Variants in HSF1 observed in about 807,000 individuals in gnomAD.
The protein encoded by HSF1 is heat shock transcription factor 1.
Under a neutral mutation model 51.7 loss-of-function variants are expected in HSF1, and 32 were observed. The ratio of observed to expected loss-of-function variants is 0.62; its 90% CI spans 0.47 to 0.83. The LOEUF is 0.83. Among genes scored for constraint, HSF1 ranks in the 40% least tolerant of loss-of-function variants. The pLI is 0.00. For missense variants in HSF1, 727 were observed against 717.0 expected, an observed-to-expected ratio of 1.01 and a Z score of -0.16; for synonymous variants, 396 against 309.7, an observed-to-expected ratio of 1.28 and a Z score of -2.92.
chr8:144,294,839 G>A (rs1815349813), intron 1 of HSF1, among the ~76,000 whole-genome samples: 1 of 151,588 alleles, frequency 6.6e-6, no homozygotes, highest in Non-Finnish European at 1.5e-5. Flanking sequence ...CCAGCAAGTC[G>A]TGGAGGACAG....
intron 1 of HSF1, among the ~76,000 whole-genome samples, chr8:144,307,869 G>C (rs1308705642): frequency 6.6e-6 from 1 of 152,236 alleles, no homozygotes; most frequent in Non-Finnish European, 1.5e-5. Context: ...CCGTGCTACT[G>C]TAATTCTTTG....
intron 1 of HSF1, among the ~76,000 whole-genome samples, chr8:144,292,204 C>T (rs1588616806): frequency 1.3e-5 from 2 of 152,260 alleles, no homozygotes; most frequent in African/African-American, 2.4e-5. Context: ...GGCAAGCACC[C>T]GGCTTCGCCA....
At chr8:144,307,096 G>C (rs1381624221) in intron 1 of HSF1, among the ~76,000 whole-genome samples, 1 of 152,216 alleles carries the variant, frequency 6.6e-6, no homozygotes, top group African/African-American at 2.4e-5. Context: ...ACACGGCTGC[G>C]AGATGTCCTG....
chr8:144,312,808 C>T (rs1354459079), intron 9 of HSF1: 12 of 1,159,788 alleles, frequency 1.0e-5, no homozygotes, highest in East Asian at 5.1e-5. Context: ...CGGGCATGAG[C>T]GTCGGGCCTG....
rs782643377 is a variant in HSF1 at position 144,311,380 on chromosome 8, G to A, written c.624G>A (p.Lys208=). The A allele has an allele frequency of 1.2e-6, 2 of 1,613,984 alleles. No individual in the cohort carries two copies. Among genetic ancestry groups the A allele is most frequent in the Non-Finnish European group, 1.7e-6 (2 of 1,180,008 alleles). The change falls in exon 6 of 13, where the codon AAG becomes AAA. Residue 208 remains lysine (K), a splice_region_variant and synonymous_variant. Transcript: ENST00000528838. ...QSNRILGVKR[K]IPLMLNDSGS... ...ACCGGATCCTGGGGGTGAAGAGAAA[G>A]ATGTGAGGTTTTGGGGATGCCTGCA...
chr8:144,313,635 C>CCGGGTGCTGTTCTGACTTCCCT lies in HSF1; in HGVS notation c.1248+20_1248+21insGGGTGCTGTTCTGACTTCCCTC. On this transcript the variant is annotated intron_variant, in intron 10 of 12. Transcript: ENST00000528838. ...GCTGGACGTGAGTGGAGCCCCGCCG[C>CCGGGTGCTGTTCTGACTTCCCT]CCCGCCTCCCCGCCCCGCCTCCCCG... 1 of 549,704 alleles carries CCGGGTGCTGTTCTGACTTCCCT rather than the reference C, an allele frequency of 1.8e-6. No homozygotes were observed. The highest frequency in any genetic ancestry group is 7.7e-5 in the East Asian group (1 of 12,910). 34.1% of individuals were successfully genotyped at this position (549,704 alleles called of 1,614,324 possible).
chr8:144,312,829 G>T (rs1554845290), intron 9 of HSF1: 8 of 887,018 alleles, frequency 9.0e-6, no homozygotes, highest in Non-Finnish European at 1.4e-5. Flanking sequence ...GGCGGCAGCA[G>T]CCGAGACCCC....
rs150835821 is a variant in HSF1 at position 144,308,911 on chromosome 8, G to A, written c.123G>A (p.Gly41=). 1,213 of 1,613,982 alleles carry A rather than the reference G, an allele frequency of 7.5e-4. 1 individual carries two copies. The highest frequency in any genetic ancestry group is 1.2e-3 in the Middle Eastern group (7 of 6,062). ...CCCATGTGTCTCCCTTTCAGAGCGG[G>A]AACAGCTTCCACGTGTTCGACCAGG... ...TDALICWSPS[G]NSFHVFDQGQ... The change falls in exon 2 of 13, where the codon GGG becomes GGA. Residue 41 remains glycine, a synonymous_variant. Transcript: ENST00000528838.
intron 9 of HSF1, chr8:144,312,538 C>T: frequency 1.7e-6 from 2 of 1,199,054 alleles, no homozygotes; most frequent in Non-Finnish European, 2.4e-6. Context: ...TCGTGCTGCC[C>T]AGACACATGG....
intron 1 of HSF1, among the ~76,000 whole-genome samples, chr8:144,308,014 G>A (rs1189733472): frequency 6.6e-6 from 1 of 152,148 alleles, no homozygotes; most frequent in Non-Finnish European, 1.5e-5. Context: ...TCTCTATGCT[G>A]GAAAGAGGTT....
At position 144,313,520 on chromosome 8, in the gene HSF1, C is replaced by T. The variant is rs1386431533; in HGVS notation, c.1152C>T (p.Leu384=). The change falls in exon 10 of 13, where the codon CTC becomes CTT. Residue 384 remains leucine (L), a synonymous_variant. Coordinates refer to ENST00000528838, the MANE Select transcript of HSF1 (RefSeq NM_005526.4). ...LSVACLDKNE[L]SDHLDAMDSN... The stretch of plus-strand genomic sequence containing the variant: ...CCTTATCCCGGGCCAGGAATGAGCT[C>T]AGTGACCACTTGGATGCTATGGACT... The T allele has an allele frequency of 5.6e-6, 9 of 1,609,770 alleles. No homozygotes were observed. The African/African-American group carries it at 8.0e-5, about 14-fold the overall frequency.
chr8:144,312,540 G>A (rs1019344918), intron 9 of HSF1: 1 of 1,215,458 alleles, frequency 8.2e-7, no homozygotes, highest in Non-Finnish European at 1.2e-6. Context: ...GTGCTGCCCA[G>A]ACACATGGCA....
rs1185974741 is a variant in HSF1 at position 144,294,377 on chromosome 8, G to A, written c.117+2503G>A. Among the ~76,000 whole-genome samples the A allele has an allele frequency of 4.6e-5, 7 of 152,266 alleles. No individual in the cohort carries two copies. The South Asian group carries it at 1.0e-3, about 23-fold the overall frequency. The stretch of plus-strand genomic sequence containing the variant: ...TACTGCCCAGGCCCAGCTGGCTCTC[G>A]GAGGCCTTGAGAAGGCCCTGGTGCT... On this transcript the variant is annotated intron_variant, in intron 1 of 12. Transcript: ENST00000528838.
rs782655464 is a variant in HSF1 at position 144,314,240 on chromosome 8, C to T, written c.1500C>T (p.Phe500=). The change falls in exon 13 of 13, where the codon TTC becomes TTT. Residue 500 remains phenylalanine, a synonymous_variant. Transcript: ENST00000528838. ...VLFELGEGSY[F]SEGDGFAEDP... ...TTGAGCTGGGAGAGGGCTCCTACTT[C>T]TCCGAAGGGGACGGCTTCGCCGAGG... The T allele has an allele frequency of 2.6e-6, 4 of 1,550,368 alleles. No homozygotes were observed. Among genetic ancestry groups the T allele is most frequent in the South Asian group, 2.4e-5 (2 of 84,080 alleles).
At chr8:144,309,385 G>A in intron 2 of HSF1, 70 bp from the exon 3 acceptor site, 5 of 1,592,688 alleles carry the variant, frequency 3.1e-6, no homozygotes, top group African/African-American at 1.3e-5. Context: ...GCCTCCTGGA[G>A]CAGTGGCCGC....
chr8:144,313,891 C>T lies in HSF1; in HGVS notation c.1294C>T (p.Leu432Phe), dbSNP rs782328317. The T allele has an allele frequency of 1.4e-5, 22 of 1,608,596 alleles. No individual in the cohort carries two copies. The highest frequency in any genetic ancestry group is 1.9e-5 in the Non-Finnish European group (22 of 1,179,004). The part of the protein sequence containing the change: ...VTVPDMSLPD[L>F]DSSLASIQEL... ...CGTGCCCGACATGAGCCTGCCTGAC[C>T]TTGACAGCAGCCTGGCCAGTGTGCG... The change falls in exon 11 of 13, where the codon CTT (leucine) becomes TTT (phenylalanine). Residue 432 changes from leucine to phenylalanine, a missense_variant. Physicochemically the swap from Leu to Phe is conservative, Grantham distance 22. Coordinates refer to ENST00000528838, the MANE Select transcript of HSF1 (RefSeq NM_005526.4).
In HSF1 at chr8:144,297,655, A is replaced by C. The variant is rs1400128699; in HGVS notation, c.117+5781A>C. Among the ~76,000 whole-genome samples, 3 of 151,894 alleles carry C rather than the reference A, an allele frequency of 2.0e-5. No individual in the cohort carries two copies. Among genetic ancestry groups the C allele is most frequent in the African/African-American group, 7.3e-5 (3 of 41,328 alleles). On this transcript the variant is annotated intron_variant, in intron 1 of 12. Coordinates refer to ENST00000528838, the MANE Select transcript of HSF1 (RefSeq NM_005526.4). This position sits in a 1 kb window ranked among gnomAD's most constrained non-coding sequence, Gnocchi z 4.6. ...TGCTCCCCACACGTGGGCCACAGCT[A>C]CTCACACACGCGCTCCCTTTGCTCC...
In HSF1 at chr8:144,291,641, C is replaced by T; in HGVS notation, c.-117C>T. ...GCGGCGGCCATGCTGGGCCCCGGGGCTGTGTGTGCGCAGCGGGCGGCGGCG... is the reference window on the plus strand; with the variant it reads ...GCGGCGGCCATGCTGGGCCCCGGGGTTGTGTGTGCGCAGCGGGCGGCGGCG... On this transcript the variant is annotated 5_prime_UTR_variant, in exon 1 of 13. Coordinates refer to ENST00000528838, the MANE Select transcript of HSF1 (RefSeq NM_005526.4). This position sits in a 1 kb window ranked among gnomAD's most constrained non-coding sequence, Gnocchi z 4.1. 1.8e-6 allele frequency: 1 copy of T among 548,676 alleles called. No individual in the cohort carries two copies. The highest frequency in any genetic ancestry group is 2.9e-6 in the Non-Finnish European group (1 of 345,270). 34.0% of individuals were successfully genotyped at this position (548,676 alleles called of 1,614,324 possible).
chr8:144,308,799 G>A lies in HSF1; in HGVS notation c.118-107G>A, dbSNP rs932910314. The A allele has an allele frequency of 1.8e-5, 16 of 896,938 alleles. No homozygotes were observed. In the East Asian group the frequency reaches 3.7e-4, roughly 21 times the overall value. 55.6% of individuals were successfully genotyped at this position (896,938 alleles called of 1,614,324 possible). On this transcript the variant is annotated intron_variant, in intron 1 of 12. Coordinates refer to ENST00000528838, the MANE Select transcript of HSF1 (RefSeq NM_005526.4). Reference sequence around the variant, plus strand: ...TCCCATGGCCCCAGCCCCATCAGGTGGAACGTGCACTGCCTGCGTTTCAGA... The same window carrying A: ...TCCCATGGCCCCAGCCCCATCAGGTAGAACGTGCACTGCCTGCGTTTCAGA...
Sources: gnomAD v4.1 joint callset for allele counts (sites outside exome capture counted in the v4.1 genomes callset) on GRCh38, gnomAD v4.1.1 for gene constraint, Gnocchi (gnomAD v3.1) non-coding constraint, MANE v1.5 for transcripts, NCBI Gene and HGNC (gene_info 2026-07-23, HGNC 2026-07-21) for gene names.